Variants in GAL3ST4 observed in about 807,000 individuals in gnomAD.
The protein encoded by GAL3ST4 is beta-galactose-3-O-sulfotransferase 4.
A neutral mutation model predicts 31.6 loss-of-function variants in GAL3ST4; 30 were observed. The observed-to-expected ratio is 0.95, with a 90% confidence interval of 0.71 to 1.29. GAL3ST4 has a LOEUF of 1.29. Ranked by LOEUF, GAL3ST4 falls within the 50% of genes most tolerant of loss-of-function variation. The probability of loss-of-function intolerance (pLI) is 0.00; values close to 1 mark genes in which losing one functional copy is unlikely to be tolerated. For missense variants in GAL3ST4, 629 were observed against 625.2 expected (o/e 1.01, Z -0.06); for synonymous variants, 248 against 256.9 (o/e 0.97, Z 0.33).
rs976608266 is a variant in GAL3ST4, at chr7:100,167,301, G to C, written c.-188-18C>G. 3.1e-5 allele frequency: 40 copies of C among 1,273,412 alleles called. 1 individual carries two copies. The South Asian group carries it at 5.1e-4, about 16-fold the overall frequency. 78.9% of individuals were successfully genotyped at this position (1,273,412 alleles called of 1,614,324 possible). A position where few individuals can be genotyped will look rare whatever the true frequency, so the allele number is the denominator to read the frequency against. On this transcript the variant is annotated intron_variant, in intron 1 of 3. Coordinates refer to ENST00000360039, the MANE Select transcript of GAL3ST4 (RefSeq NM_024637.5). ...GTCAGCGTCTAGAAGGGAAATGAGG[G>C]GGGAAGAAGGGAAGTCTAAGGAGAG...
Position 100,159,866 on chromosome 7 carries a change from C to G in GAL3ST4, c.*62G>C. ...TGCAGAAATGGCATCTTGCTGCCCCCCACTCATCACATGTGCCCTTCAAAC... is the reference window on the plus strand; with the variant it reads ...TGCAGAAATGGCATCTTGCTGCCCCGCACTCATCACATGTGCCCTTCAAAC... On this transcript the variant is annotated 3_prime_UTR_variant, in exon 4 of 4. Transcript: ENST00000360039. The G allele has an allele frequency of 2.9e-6, 4 of 1,359,466 alleles. No individual in the cohort carries two copies. Among genetic ancestry groups the G allele is most frequent in the Non-Finnish European group, 4.1e-6 (4 of 982,858 alleles). The allele number at this position is 1,359,466 out of a possible 1,614,324, so 84.2% of individuals were successfully genotyped here.
At chr7:100,161,059 T>A (rs1798997460) in intron 3 of GAL3ST4, 100 bp from the exon 4 acceptor site, 10 of 1,009,314 alleles carry the variant, frequency 9.9e-6, no homozygotes, top group Admixed American at 3.0e-5. Flanking sequence ...TCCTGAAACC[T>A]CCTCCTCCCA....
chr7:100,161,211 A>C (rs995712778), intron 3 of GAL3ST4, among the ~76,000 whole-genome samples: 1 of 152,118 alleles, frequency 6.6e-6, no homozygotes, highest in Non-Finnish European at 1.5e-5. Context: ...TAAAACATAC[A>C]AGAAATCTGG....
At chr7:100,164,241 G>A (rs1799041395) in intron 3 of GAL3ST4, among the ~76,000 whole-genome samples, 1 of 152,120 alleles carries the variant, frequency 6.6e-6, no homozygotes, top group Admixed American at 6.5e-5. Context: ...TCTACCCCCA[G>A]TACAGACGTT....
At position 100,160,851 on chromosome 7, in the gene GAL3ST4, G is replaced by T. The variant is rs374392589; in HGVS notation, c.538C>A (p.Arg180Ser). Residue 180 changes from arginine to serine, a missense_variant, in exon 4 of 4, where the codon CGC becomes AGC. Arg to Ser is a moderately radical substitution (Grantham distance 110, BLOSUM62 -1). Coordinates refer to ENST00000360039, the MANE Select transcript of GAL3ST4 (RefSeq NM_024637.5). ...AAGGCAGCCAAAGATGGTGACTTGC[G>T]GAAGGCTGATGAGGTGGATTTATAG... The part of the protein sequence containing the change: ...SYYKSTSSAF[R>S]KSPSLAAFLA... 1.2e-6 allele frequency: 2 copies of T among 1,614,082 alleles called. No homozygotes were observed. The highest frequency in any genetic ancestry group is 2.7e-5 in the African/African-American group (2 of 74,930).
At position 100,167,298 on chromosome 7, in the gene GAL3ST4, A is replaced by AG. The variant is rs1259420383; in HGVS notation, c.-188-16dup. The AG allele has an allele frequency of 9.2e-6, 12 of 1,309,822 alleles. No individual in the cohort carries two copies. The highest frequency in any genetic ancestry group is 7.7e-5 in the East Asian group (3 of 38,914). The allele number at this position is 1,309,822 out of a possible 1,614,324, so 81.1% of individuals were successfully genotyped here. On this transcript the variant is annotated splice_polypyrimidine_tract_variant and intron_variant, in intron 1 of 3. Coordinates refer to ENST00000360039, the MANE Select transcript of GAL3ST4 (RefSeq NM_024637.5). ...TCTGTCAGCGTCTAGAAGGGAAATGAGGGGGGAAGAAGGGAAGTCTAAGGA... is the reference window on the plus strand; with the variant it reads ...TCTGTCAGCGTCTAGAAGGGAAATGAGGGGGGGAAGAAGGGAAGTCTAAGGA...
chr7:100,159,788 G>T lies in GAL3ST4; in HGVS notation c.*140C>A. The T allele has an allele frequency of 2.9e-6, 2 of 695,354 alleles. No homozygotes were observed. The highest frequency in any genetic ancestry group is 4.8e-6 in the Non-Finnish European group (2 of 420,222). The allele number at this position is 695,354 out of a possible 1,614,324, so 43.1% of individuals were successfully genotyped here. ...GTGGAGGAGGGAAGCACTGCTGGGA[G>T]CCCAGCGAAGAGGGGGCTTGCATCG... On this transcript the variant is annotated 3_prime_UTR_variant, in exon 4 of 4. Coordinates refer to ENST00000360039, the MANE Select transcript of GAL3ST4 (RefSeq NM_024637.5).
At chr7:100,163,253 C>T (rs761448573) in intron 3 of GAL3ST4, among the ~76,000 whole-genome samples, 3 of 152,154 alleles carry the variant, frequency 2.0e-5, no homozygotes, top group Admixed American at 6.5e-5. Context: ...GGCTGGGACA[C>T]GTGATTACAC....
chr7:100,160,742 AG>A lies in GAL3ST4; in HGVS notation c.646del (p.Leu216CysfsTer107), dbSNP rs778306930. 1.4e-5 allele frequency: 22 copies of A among 1,614,026 alleles called. No homozygotes were observed. Among genetic ancestry groups the A allele is most frequent in the Non-Finnish European group, 1.6e-5 (19 of 1,180,028 alleles). On this transcript the variant is annotated frameshift_variant, in exon 4 of 4. Transcript: ENST00000360039. LOFTEE classifies it low-confidence loss of function (END_TRUNC). ...ARNLLWFDFG[L>X]PFPPEKRAKR... Reference sequence around the variant, plus strand: ...GGCCCTCTTCTCTGGGGGAAAGGGCAGGCCAAAGTCAAACCATAGTAAGTTG... The same window carrying A: ...GGCCCTCTTCTCTGGGGGAAAGGGCAGCCAAAGTCAAACCATAGTAAGTTG...
Position 100,166,968 on chromosome 7 carries a change from CA to C in GAL3ST4, c.125+2del. The C allele has an allele frequency of 5.0e-6, 8 of 1,593,280 alleles. No individual in the cohort carries two copies. The highest frequency in any genetic ancestry group is 6.8e-6 in the Non-Finnish European group (8 of 1,170,824). ...AAGGAGTTGGGGCAAAGTGGGAACT[CA>C]CCTCCTCTGGAAGGGCCCTCCCAAG... On this transcript the variant is annotated splice_donor_variant, in intron 2 of 3. Coordinates refer to ENST00000360039, the MANE Select transcript of GAL3ST4 (RefSeq NM_024637.5). LOFTEE classifies it high-confidence loss of function.
intron 3 of GAL3ST4, 150 bp downstream of exon 3, chr7:100,166,352 G>A: frequency 1.3e-6 from 1 of 741,634 alleles, no homozygotes. Flanking sequence ...CTGTAGAGAG[G>A]ATGGCAGGGA....
In GAL3ST4 at chr7:100,167,051, A is replaced by C. The variant is rs759431576; in HGVS notation, c.45T>G (p.Pro15=). Residue 15 remains proline (P), a synonymous_variant, in exon 2 of 4, where the codon CCT becomes CCG. Transcript: ENST00000360039. The part of the protein sequence containing the change: ...SPARTLRLWG[P]RSLGVALGVF... The stretch of plus-strand genomic sequence containing the variant: ...CTCCCAGAGCCACCCCCAGGCTCCG[A>C]GGTCCCCAGAGCCGCAGCGTCCTGG... 7 of 1,560,490 alleles carry C rather than the reference A, an allele frequency of 4.5e-6. No homozygotes were observed. In the African/African-American group the frequency reaches 8.1e-5, roughly 18 times the overall value.
rs1281338404 is a variant in GAL3ST4 at position 100,159,795 on chromosome 7, G to A, written c.*133C>T. The A allele has an allele frequency of 4.1e-6, 3 of 740,630 alleles. No homozygotes were observed. Among genetic ancestry groups the A allele is most frequent in the Non-Finnish European group, 2.2e-6 (1 of 456,996 alleles). 45.9% of individuals were successfully genotyped at this position (740,630 alleles called of 1,614,324 possible). On this transcript the variant is annotated 3_prime_UTR_variant, in exon 4 of 4. Transcript: ENST00000360039. Reference sequence around the variant, plus strand: ...AGGGAAGCACTGCTGGGAGCCCAGCGAAGAGGGGGCTTGCATCGGGACAAA... The same window carrying A: ...AGGGAAGCACTGCTGGGAGCCCAGCAAAGAGGGGGCTTGCATCGGGACAAA...
chr7:100,165,177 T>C (rs1799053637), intron 3 of GAL3ST4, among the ~76,000 whole-genome samples: 1 of 151,120 alleles, frequency 6.6e-6, no homozygotes, highest in Non-Finnish European at 1.5e-5. Context: ...CCCGGCCTTT[T>C]TTTTCTTTTG....
chr7:100,168,385 A>G lies in GAL3ST4; in HGVS notation c.-189+161T>C, dbSNP rs1799119986. Among the ~76,000 whole-genome samples, 2 of 151,592 alleles carry G rather than the reference A, an allele frequency of 1.3e-5. No homozygotes were observed. The highest frequency in any genetic ancestry group is 1.9e-4 in the East Asian group (1 of 5,162). On this transcript the variant is annotated intron_variant, in intron 1 of 3. Transcript: ENST00000360039. The surrounding 1 kb of genome is among the most constrained non-coding windows in gnomAD (Gnocchi z 4.1). ...CAGAGTTCTTCATTTCCTTCCATCCATCTCTCCCTTCCCATGATTGGAGAT... is the reference window on the plus strand; with the variant it reads ...CAGAGTTCTTCATTTCCTTCCATCCGTCTCTCCCTTCCCATGATTGGAGAT...
intron 3 of GAL3ST4, 86 bp from the exon 4 acceptor site, chr7:100,161,045 A>T: frequency 8.3e-7 from 1 of 1,209,844 alleles, no homozygotes; most frequent in African/African-American, 1.5e-5. Flanking sequence ...TCCGCTGACC[A>T]GCCTCCTGAA....
At position 100,159,254 on chromosome 7, in the gene GAL3ST4, ATTAT is replaced by A. The variant is rs963184247; in HGVS notation, c.*670_*673del. ...TCCATAAATCAAGTAGAAGTTTCAA[ATTAT>A]TTATTCATTCAACAAACATGTCAGA... On this transcript the variant is annotated 3_prime_UTR_variant, in exon 4 of 4. Coordinates refer to ENST00000360039, the MANE Select transcript of GAL3ST4 (RefSeq NM_024637.5). 1.3e-5 allele frequency: 2 copies of A among 152,228 alleles called. No homozygotes were observed. Among genetic ancestry groups the A allele is most frequent in the South Asian group, 2.1e-4 (1 of 4,834 alleles). The allele number at this position is 152,228 out of a possible 1,614,324, so 9.4% of individuals were successfully genotyped here.
At chr7:100,167,403 AC>A in intron 1 of GAL3ST4, 120 bp from the exon 2 acceptor site, 1 of 482,012 alleles carries the variant, frequency 2.1e-6, no homozygotes, top group Non-Finnish European at 3.7e-6. Context: ...TGTTGTCTAT[AC>A]CCAGACTCTC....
intron 3 of GAL3ST4, among the ~76,000 whole-genome samples, chr7:100,161,637 A>G (rs1353808951): frequency 6.7e-6 from 1 of 148,626 alleles, no homozygotes; most frequent in East Asian, 2.0e-4. Flanking sequence ...TGGCCAACAG[A>G]GCAAGACTCT....
Sources: allele counts gnomAD v4.1 joint callset (sites outside exome capture counted in the v4.1 genomes callset), GRCh38; gene constraint gnomAD v4.1.1; non-coding constraint Gnocchi (gnomAD v3.1); transcripts MANE v1.5; gene names NCBI Gene and HGNC (gene_info 2026-07-23, HGNC 2026-07-21).